SLAMF1: variants seen among roughly 807,000 people sequenced by gnomAD.
SLAMF1 encodes signaling lymphocytic activation molecule family member 1.
SLAMF1 carries 18 observed loss-of-function variants against 35.1 expected under a neutral mutation model. The ratio of observed to expected loss-of-function variants is 0.51; its 90% confidence interval spans 0.35 to 0.76. The LOEUF (loss-of-function observed/expected upper bound fraction) is 0.76, where lower values mean the gene tolerates loss of function less well. Ranked by LOEUF, SLAMF1 falls within the 30% of genes least tolerant of loss-of-function variation. The pLI is 0.01. For synonymous variants in SLAMF1, 168 were observed against 157.2 expected, an observed-to-expected ratio of 1.07 and a Z score of -0.51; for missense variants, 392 against 413.0, an observed-to-expected ratio of 0.95 and a Z score of 0.44.
In SLAMF1 at chr1:160,608,424, G is replaced by A. The variant is rs1018516252; in HGVS notation, c.*2324C>T. ...CTTATTGTTTTAAGTCTGAGGAAAA[G>A]GCAAGCTCCCGCTCCCCATAGTGCC... On this transcript the variant is annotated 3_prime_UTR_variant, in exon 7 of 7. Transcript: ENST00000302035. The A allele has an allele frequency of 6.6e-6, 1 of 152,216 alleles. No individual in the cohort carries two copies. Among genetic ancestry groups the A allele is most frequent in the Admixed American group, 6.5e-5 (1 of 15,274 alleles). 9.4% of individuals were successfully genotyped at this position (152,216 alleles called of 1,614,324 possible).
At chr1:160,639,707 T>G (rs1571011020) in intron 1 of SLAMF1, among the ~76,000 whole-genome samples, 1 of 152,230 alleles carries the variant, frequency 6.6e-6, no homozygotes, top group Non-Finnish European at 1.5e-5. Flanking sequence ...TTAAAAACCA[T>G]GTCCTATTTT....
intron 3 of SLAMF1, 73 bp downstream of exon 3, chr1:160,634,540 G>A (rs1302701505): frequency 6.8e-7 from 1 of 1,467,272 alleles, no homozygotes; most frequent in Non-Finnish European, 9.2e-7. Flanking sequence ...CATGGCTGGG[G>A]AGCAATTGGA....
Position 160,634,773 on chromosome 1 carries a change from C to A in SLAMF1, c.540G>T (p.Ala180=), listed in dbSNP as rs370987747. ...DHVAYSWSEK[A]GTHPLNPANS... is the part of the protein sequence containing the mutation. ...TGGCTGGGTTCAGTGGGTGGGTGCC[C>A]GCCTTTTCACTCCAGCTGTAAGCCA... The change falls in exon 3 of 7, where the codon GCG becomes GCT. Residue 180 remains alanine (A), a synonymous_variant. Transcript: ENST00000302035. 3.1e-6 allele frequency: 5 copies of A among 1,613,936 alleles called. No individual in the cohort carries two copies. The South Asian group carries it at 4.4e-5, about 14-fold the overall frequency.
chr1:160,644,089 C>A (rs551038204), intron 1 of SLAMF1, among the ~76,000 whole-genome samples: 77 of 152,308 alleles, frequency 5.1e-4, no homozygotes, highest in African/African-American at 1.8e-3. Flanking sequence ...TCAAATACTT[C>A]TTATATGCCC....
intron 4 of SLAMF1, 89 bp from the exon 5 acceptor site, chr1:160,619,938 C>A: frequency 1.2e-6 from 1 of 834,230 alleles, no homozygotes; most frequent in Non-Finnish European, 2.1e-6. Context: ...CCTTTGCATA[C>A]CCACTTTCCC....
At chr1:160,628,747 A>T (rs1309530597) in intron 3 of SLAMF1, among the ~76,000 whole-genome samples, 1 of 152,232 alleles carries the variant, frequency 6.6e-6, no homozygotes, top group Non-Finnish European at 1.5e-5. Flanking sequence ...AAAAATTACC[A>T]GAAGGAATGC....
chr1:160,623,250 G>A (rs75906923), intron 4 of SLAMF1, among the ~76,000 whole-genome samples: 2 of 152,020 alleles, frequency 1.3e-5, no homozygotes, highest in African/African-American at 4.8e-5. Flanking sequence ...GCCCTACCCC[G>A]AGCCCCATAG....
Position 160,637,404 on chromosome 1 carries a change from T to G in SLAMF1, c.202A>C (p.Lys68Gln). ...TTCTCGACACTGTTCTCCAGTGATT[T>G]TGCCATTGTGACGACAATGTGGATG... Reference protein sequence around the residue: ...KSIHIVVTMAKSLENSVENKI... With the variant: ...KSIHIVVTMAQSLENSVENKI... Residue 68 changes from lysine to glutamine, a missense_variant, in exon 2 of 7, where the codon AAA (lysine) becomes CAA (glutamine). Physicochemically the swap from Lys to Gln is moderately conservative, Grantham distance 53. Transcript: ENST00000302035. 2 of 1,614,196 alleles carry G rather than the reference T, an allele frequency of 1.2e-6. No homozygotes were observed. Among genetic ancestry groups the G allele is most frequent in the South Asian group, 2.2e-5 (2 of 91,088 alleles).
Position 160,612,475 on chromosome 1 carries a change from A to C in SLAMF1, c.957+13T>G. The C allele has an allele frequency of 1.3e-6, 2 of 1,565,058 alleles. No homozygotes were observed. The highest frequency in any genetic ancestry group is 1.8e-6 in the Non-Finnish European group (2 of 1,136,982). ...TTCCCTCTCTACGGAGAGTAGGCAGAGAGATGCCTCACCTGGACAGACTCT... is the reference window on the plus strand; with the variant it reads ...TTCCCTCTCTACGGAGAGTAGGCAGCGAGATGCCTCACCTGGACAGACTCT... On this transcript the variant is annotated intron_variant, in intron 6 of 6. Coordinates refer to ENST00000302035, the MANE Select transcript of SLAMF1 (RefSeq NM_003037.5).
chr1:160,635,599 T>G (rs1172361760), intron 2 of SLAMF1, among the ~76,000 whole-genome samples: 1 of 145,616 alleles, frequency 6.9e-6, no homozygotes, highest in African/African-American at 2.6e-5. Flanking sequence ...TGAGACAGAG[T>G]CTCGCTCTGT....
chr1:160,623,253 C>T (rs1042478131), intron 4 of SLAMF1, among the ~76,000 whole-genome samples: 2 of 152,160 alleles, frequency 1.3e-5, no homozygotes, highest in Non-Finnish European at 2.9e-5. Flanking sequence ...CTACCCCGAG[C>T]CCCATAGGCT....
intron 5 of SLAMF1, among the ~76,000 whole-genome samples, chr1:160,617,287 A>G (rs1167616575): frequency 6.6e-6 from 1 of 152,188 alleles, no homozygotes; most frequent in Non-Finnish European, 1.5e-5. Flanking sequence ...TGCATACTCT[A>G]CGATTCAGCA....
chr1:160,631,569 A>C (rs1660165663), intron 3 of SLAMF1, among the ~76,000 whole-genome samples: 1 of 152,182 alleles, frequency 6.6e-6, no homozygotes, highest in Non-Finnish European at 1.5e-5. Context: ...AAGGTTATTA[A>C]GTTAAAATGA....
chr1:160,612,476 GA>G lies in SLAMF1; in HGVS notation c.957+11del, dbSNP rs1175559073. The G allele has an allele frequency of 2.5e-6, 4 of 1,568,870 alleles. No homozygotes were observed. Among genetic ancestry groups the G allele is most frequent in the Non-Finnish European group, 3.5e-6 (4 of 1,140,360 alleles). Reference sequence around the variant, plus strand: ...TCCCTCTCTACGGAGAGTAGGCAGAGAGATGCCTCACCTGGACAGACTCTGG... The same window carrying G: ...TCCCTCTCTACGGAGAGTAGGCAGAGGATGCCTCACCTGGACAGACTCTGG... On this transcript the variant is annotated intron_variant, in intron 6 of 6. Transcript: ENST00000302035.
At chr1:160,634,524 G>T in intron 3 of SLAMF1, 89 bp downstream of exon 3, 1 of 1,446,172 alleles carries the variant, frequency 6.9e-7, no homozygotes, top group Non-Finnish European at 9.3e-7. Context: ...TTACTAAGGT[G>T]AATGCCATGG....
At chr1:160,637,662 G>A (rs751824385) in intron 1 of SLAMF1, 133 bp from the exon 2 acceptor site, 34 of 636,308 alleles carry the variant, frequency 5.3e-5, no homozygotes, top group Non-Finnish European at 8.4e-5. Context: ...CAAGTCCTTC[G>A]TGGTCTATAA....
At chr1:160,625,087 C>T (rs914826131) in intron 3 of SLAMF1, among the ~76,000 whole-genome samples, 2 of 152,170 alleles carry the variant, frequency 1.3e-5, no homozygotes, top group South Asian at 2.1e-4. Context: ...ACCTCAAGAA[C>T]TAGAGCTTGG....
chr1:160,610,878 G>C (rs1361120896), intron 6 of SLAMF1, 80 bp from the exon 7 acceptor site: 2 of 1,080,344 alleles, frequency 1.9e-6, no homozygotes, highest in Non-Finnish European at 2.9e-6. Flanking sequence ...GCACTGCTGA[G>C]GAAAAGGAAA....
At chr1:160,637,581 A>G (rs774254655) in intron 1 of SLAMF1, 52 bp from the exon 2 acceptor site, 5 of 1,307,494 alleles carry the variant, frequency 3.8e-6, no homozygotes, top group African/African-American at 1.5e-5. Flanking sequence ...TTTAGACAAC[A>G]TCGTGTCAGC....
Sources: allele counts gnomAD v4.1 joint callset (sites outside exome capture counted in the v4.1 genomes callset), GRCh38; gene constraint gnomAD v4.1.1; transcripts MANE v1.5; gene names NCBI Gene and HGNC (gene_info 2026-07-23, HGNC 2026-07-21).